HCCS: variants seen among roughly 807,000 people sequenced by gnomAD.
HCCS encodes the protein holocytochrome c synthase, also known as holocytochrome c-type synthase.
Under a neutral mutation model 24.2 loss-of-function variants are expected in HCCS, and 2 were observed. The ratio of observed to expected loss-of-function variants is 0.08; its 90% CI spans 0.03 to 0.26. HCCS has a LOEUF of 0.26. Ranked by LOEUF, HCCS falls within the 10% of genes least tolerant of loss-of-function variation. The pLI is 1.00. For missense variants in HCCS, 150 were observed against 213.3 expected, an observed-to-expected ratio of 0.70 and a Z score of 1.85; for synonymous variants, 73 against 76.2, an observed-to-expected ratio of 0.96 and a Z score of 0.22.
chrX:11,113,634 C>A (rs1010956116), intron 2 of HCCS, among the ~76,000 whole-genome samples: 1 of 112,223 alleles, frequency 8.9e-6, no homozygotes, highest in African/African-American at 3.2e-5. Context: ...GGTTTTATTT[C>A]ATTTGCTGTA....
chrX:11,120,352 C>T (rs1022640325), intron 5 of HCCS, among the ~76,000 whole-genome samples: 8 of 111,643 alleles, frequency 7.2e-5, no homozygotes, highest in African/African-American at 2.3e-4. Context: ...CAGGGGTCTG[C>T]GGGTAGAGGG....
rs750366206 is a variant in HCCS at position 11,112,171 on chromosome X, CT to C, written c.100+14del. The C allele has an allele frequency of 8.7e-7, 1 of 1,149,772 alleles. No individual in the cohort carries two copies. The allele number at this position is 1,149,772 out of a possible 1,213,427, so 94.8% of individuals were successfully genotyped here. A position where few individuals can be genotyped will look rare whatever the true frequency, so the allele number is the denominator to read the frequency against. On this transcript the variant is annotated intron_variant, in intron 2 of 6. Transcript: ENST00000380762. The stretch of plus-strand genomic sequence containing the variant: ...AAGGGAAAATGAAAGGTAATCGGCC[CT>C]TTGCCTAGAAAATAAAAACAAAAGA...
chrX:11,121,410 G>C (rs914159496), intron 6 of HCCS, among the ~76,000 whole-genome samples: 3 of 112,299 alleles, frequency 2.7e-5, no homozygotes, highest in Admixed American at 9.4e-5. Context: ...CAGATGAGCT[G>C]TCATCTGATA....
Position 11,118,610 on chromosome X carries a change from C to T in HCCS, c.511C>T (p.Leu171Phe). The T allele has an allele frequency of 2.5e-6, 3 of 1,207,664 alleles. No homozygotes were observed. The highest frequency in any genetic ancestry group is 3.4e-6 in the Non-Finnish European group (3 of 891,856). ...GAAGGAGATTTTGAAGTGGGAAGCC[C>T]TTCATGCTGCGTAAGTATGTTTGAG... ...AWKEILKWEA[L>F]HAAECPCGPS... The change falls in exon 5 of 7, where the codon CTT becomes TTT. Residue 171 changes from leucine to phenylalanine, a missense_variant. Transcript: ENST00000380762.
chrX:11,118,445 A>C lies in HCCS; in HGVS notation c.402-56A>C, dbSNP rs997928130. 3.3e-5 allele frequency: 36 copies of C among 1,078,088 alleles called. No individual in the cohort carries two copies. In the East Asian group the frequency reaches 9.1e-4, roughly 27 times the overall value. 88.8% of individuals were successfully genotyped at this position (1,078,088 alleles called of 1,213,427 possible). The stretch of plus-strand genomic sequence containing the variant: ...ATCATCTTATGAAAATATGTGGATT[A>C]ACTTTATGGCATTATCAGGAACAGT... On this transcript the variant is annotated intron_variant, in intron 4 of 6. Transcript: ENST00000380762.
intron 1 of HCCS, among the ~76,000 whole-genome samples, chrX:11,111,796 A>G (rs1179578570): frequency 8.9e-6 from 1 of 112,119 alleles, no homozygotes; most frequent in African/African-American, 3.2e-5. Flanking sequence ...CTCAGTCCCA[A>G]AATCCTCACT....
Position 11,113,043 on chromosome X carries a change from C to A in HCCS, c.100+883C>A, listed in dbSNP as rs781161612. Among the ~76,000 whole-genome samples the A allele has an allele frequency of 3.5e-5, 4 of 112,979 alleles. No homozygotes were observed. In the South Asian group the frequency reaches 1.5e-3, roughly 41 times the overall value. On this transcript the variant is annotated intron_variant, in intron 2 of 6. Coordinates refer to ENST00000380762, the MANE Select transcript of HCCS (RefSeq NM_005333.5). ...ATTTTCGTATATAAAAGTAAGCCAT[C>A]ACTTAACGGGCTTGCTGTCCATTCT...
At chrX:11,117,919 A>G (rs1176160808) in intron 4 of HCCS, among the ~76,000 whole-genome samples, 3 of 111,734 alleles carry the variant, frequency 2.7e-5, no homozygotes, top group Non-Finnish European at 5.6e-5. Flanking sequence ...TCAGGTCTGC[A>G]GCTGATCAGA....
intron 5 of HCCS, among the ~76,000 whole-genome samples, chrX:11,119,399 C>T (rs2045474107): frequency 9.0e-6 from 1 of 111,400 alleles, no homozygotes; most frequent in African/African-American, 3.3e-5. Context: ...CTGGAGCGTG[C>T]ATCAGGATCA....
chrX:11,119,450 C>T (rs1314461933), intron 5 of HCCS, among the ~76,000 whole-genome samples: 1 of 111,609 alleles, frequency 9.0e-6, no homozygotes, highest in African/African-American at 3.3e-5. Flanking sequence ...GGGTCCCACC[C>T]GCAGGATGTC....
At chrX:11,111,643 G>C (rs2045408963) in intron 1 of HCCS, 125 bp downstream of exon 1, 1 of 180,678 alleles carries the variant, frequency 5.5e-6, no homozygotes, top group Admixed American at 7.2e-5. Context: ...CCCTCGCTAA[G>C]GCTCTGGGGA....
rs184487602 is a variant in HCCS, at chrX:11,121,294, T to C, written c.608+301T>C. ...TATGCACTTAGCCATCCTCCCTTTC[T>C]TTTCTAGCATACTTGAGATTTTTTG... On this transcript the variant is annotated intron_variant, in intron 6 of 6. Coordinates refer to ENST00000380762, the MANE Select transcript of HCCS (RefSeq NM_005333.5). Among the ~76,000 whole-genome samples the C allele has an allele frequency of 2.7e-5, 3 of 112,912 alleles. No homozygotes were observed. In the East Asian group the frequency reaches 8.4e-4, roughly 31 times the overall value.
intron 2 of HCCS, among the ~76,000 whole-genome samples, chrX:11,114,048 A>G (rs2045431224): frequency 8.9e-6 from 1 of 112,900 alleles, no homozygotes; most frequent in African/African-American, 3.2e-5. Context: ...CCAGTTTCCC[A>G]GTCCCTCACT....
chrX:11,113,274 G>T (rs1302601051), intron 2 of HCCS, among the ~76,000 whole-genome samples: 7 of 112,225 alleles, frequency 6.2e-5, no homozygotes, highest in African/African-American at 1.9e-4. Context: ...TGCCCATTCT[G>T]TACCAAGCAT....
intron 2 of HCCS, among the ~76,000 whole-genome samples, chrX:11,113,700 G>A (rs1175178508): frequency 1.3e-4 from 15 of 112,234 alleles, no homozygotes. Flanking sequence ...GTGTCTATAG[G>A]AGATCGAAGG....
At chrX:11,116,623 C>T in intron 3 of HCCS, among the ~76,000 whole-genome samples, 1 of 112,689 alleles carries the variant, frequency 8.9e-6, no homozygotes. Flanking sequence ...TCCTGCAGTG[C>T]TTAGACCACC....
chrX:11,112,305 CA>C, intron 2 of HCCS, 145 bp downstream of exon 2: 1 of 484,673 alleles, frequency 2.1e-6, no homozygotes, highest in Non-Finnish European at 3.6e-6. Flanking sequence ...GGCAACATGG[CA>C]AAAACCTCCC....
At chrX:11,113,559 G>T (rs2045427782) in intron 2 of HCCS, among the ~76,000 whole-genome samples, 1 of 112,160 alleles carries the variant, frequency 8.9e-6, no homozygotes, top group Non-Finnish European at 1.9e-5. Flanking sequence ...AATTGAGACA[G>T]ATCAGCCAAA....
intron 3 of HCCS, among the ~76,000 whole-genome samples, chrX:11,115,762 C>CA (rs1413422701): frequency 8.9e-6 from 1 of 112,168 alleles, no homozygotes; most frequent in Non-Finnish European, 1.9e-5. Flanking sequence ...CATAGGCCTT[C>CA]AAATATTTAC....
Sources: gnomAD v4.1 joint callset for allele counts (sites outside exome capture counted in the v4.1 genomes callset) on GRCh38, gnomAD v4.1.1 for gene constraint, MANE v1.5 for transcripts, NCBI Gene and HGNC (gene_info 2026-07-23, HGNC 2026-07-21) for gene names.